CFAP70: variants seen among roughly 807,000 people sequenced by gnomAD.
CFAP70 encodes the protein cilia- and flagella-associated protein 70.
A neutral mutation model predicts 137.6 loss-of-function variants in CFAP70; 81 were observed. The observed-to-expected ratio is 0.59, with a 90% CI of 0.49 to 0.71. CFAP70 has a LOEUF of 0.71. CFAP70 is among the 30% of genes least tolerant of loss of function. CFAP70 has a pLI of 0.00. For synonymous variants in CFAP70, 382 were observed against 423.6 expected, an observed-to-expected ratio of 0.90 and a Z score of 1.20; for missense variants, 976 against 1,226.7, an observed-to-expected ratio of 0.80 and a Z score of 3.05.
chr10:73,267,037 T>A (rs765618625), intron 25 of CFAP70, among the ~76,000 whole-genome samples: 5 of 152,248 alleles, frequency 3.3e-5, no homozygotes, highest in Non-Finnish European at 7.3e-5. Context: ...TTTATTGCTT[T>A]AATTTTATCC....
exon 20 of CFAP70, chr10:73,278,262 G>A: frequency 4.3e-6 from 7 of 1,613,936 alleles, no homozygotes; most frequent in Non-Finnish European, 5.9e-6. Flanking sequence ...AGTCAAAATG[G>A]GTTCTTGTGA....
At chr10:73,336,790 G>A (rs946748681) in intron 6 of CFAP70, among the ~76,000 whole-genome samples, 2 of 151,432 alleles carry the variant, frequency 1.3e-5, no homozygotes, top group African/African-American at 2.4e-5. Flanking sequence ...GGGTTTCACC[G>A]TGGTCTCGAT....
chr10:73,310,113 A>G, intron 12 of CFAP70, 45 bp downstream of exon 13: 1 of 1,293,024 alleles, frequency 7.7e-7, no homozygotes, highest in Non-Finnish European at 1.1e-6. Context: ...CCTCTTATTT[A>G]TACCCAAATT....
chr10:73,309,455 A>G (rs4500405), intron 12 of CFAP70, among the ~76,000 whole-genome samples: 16,042 of 152,064 alleles, frequency 0.11, 1,221 homozygotes, highest in East Asian at 0.3. Context: ...CTAGGTGAGT[A>G]GAGATCTGGA....
chr10:73,349,296 T>A (rs1313915844), intron 3 of CFAP70, among the ~76,000 whole-genome samples: 1 of 151,960 alleles, frequency 6.6e-6, no homozygotes, highest in Non-Finnish European at 1.5e-5. Context: ...TCCCAGCACT[T>A]TGGGAAGCTG....
rs1229043282 is a variant in CFAP70 at position 73,351,121 on chromosome 10, TG to T, written c.250+2434del. 1.3e-3 allele frequency among the ~76,000 whole-genome samples: 165 copies of T among 125,968 alleles called. 5 individuals carry two copies. The highest frequency in any genetic ancestry group is 4.4e-3 in the African/African-American group (150 of 33,736). The allele number at this position is 125,968 out of a possible 152,430, so 82.6% of individuals were successfully genotyped here. A position where few individuals can be genotyped will look rare whatever the true frequency, so the allele number is the denominator to read the frequency against. On this transcript the variant is annotated intron_variant, in intron 3 of 26. Transcript: ENST00000310715. ...TATATATATATATATATGTATGTTT[TG>T]TTTTTTTTTTTTGTGAGACGGAGTC... is the stretch of plus-strand genomic sequence containing the variant.
At chr10:73,334,899 T>TA (rs61051214) in intron 7 of CFAP70, among the ~76,000 whole-genome samples, 2 of 149,842 alleles carry the variant, frequency 1.3e-5, no homozygotes, top group Non-Finnish European at 3.0e-5. Flanking sequence ...TTTTTTTTTT[T>TA]AAGAGACAAG....
chr10:73,341,550 G>A, exon 6 of CFAP70: 1 of 1,613,988 alleles, frequency 6.2e-7, no homozygotes, highest in African/African-American at 1.3e-5. Flanking sequence ...AAGCTTCAGA[G>A]TTCCATTCTT....
At chr10:73,337,089 T>G (rs781406496) in intron 6 of CFAP70, among the ~76,000 whole-genome samples, 1 of 152,214 alleles carries the variant, frequency 6.6e-6, no homozygotes, top group Non-Finnish European at 1.5e-5. Context: ...GTATGTACTC[T>G]TTACATTTGT....
At position 73,297,168 on chromosome 10, in the gene CFAP70, AGCATGCT is replaced by A. The variant is rs762225142; in HGVS notation, c.1513-2_1517del. The A allele has an allele frequency of 6.2e-7, 1 of 1,612,054 alleles. No homozygotes were observed. The highest frequency in any genetic ancestry group is 8.5e-7 in the Non-Finnish European group (1 of 1,179,002). ...ATTTATCTCTCACAATCTTTACCAC[AGCATGCT>A]GCAAGACACACAGATCACCCATCTG... On this transcript the variant is annotated splice_acceptor_variant and coding_sequence_variant, in exon 15 of 27. Coordinates refer to ENST00000310715, the Ensembl canonical transcript of CFAP70. LOFTEE classifies it high-confidence loss of function.
intron 8 of CFAP70, among the ~76,000 whole-genome samples, chr10:73,324,226 G>C (rs1458789046): frequency 1.3e-5 from 2 of 152,184 alleles, no homozygotes; most frequent in African/African-American, 2.4e-5. Context: ...AGGCAAACAG[G>C]GTCTGGAGTG....
intron 1 of CFAP70, among the ~76,000 whole-genome samples, chr10:73,357,772 T>C (rs1424121459): frequency 6.6e-6 from 1 of 152,234 alleles, no homozygotes; most frequent in Non-Finnish European, 1.5e-5. Flanking sequence ...CCCCTGGAAT[T>C]ATCTCTCCCT....
At chr10:73,343,690 C>T (rs1348689184) in intron 5 of CFAP70, among the ~76,000 whole-genome samples, 4 of 152,028 alleles carry the variant, frequency 2.6e-5, no homozygotes, top group Non-Finnish European at 5.9e-5. Flanking sequence ...GCCTGGGCGA[C>T]AGAGTGAGAC....
chr10:73,333,524 C>T (rs1435625813), intron 7 of CFAP70, among the ~76,000 whole-genome samples: 1 of 151,876 alleles, frequency 6.6e-6, no homozygotes. Context: ...AAACACTTTA[C>T]CTACAGAAGA....
chr10:73,256,415 A>G (rs773643557), exon 26 of CFAP70: 1 of 1,614,124 alleles, frequency 6.2e-7, no homozygotes, highest in Non-Finnish European at 8.5e-7. Context: ...TTGCCGTCCA[A>G]CCTGAAAAAA....
chr10:73,331,630 C>T (rs1321151569), intron 7 of CFAP70, among the ~76,000 whole-genome samples: 2 of 151,980 alleles, frequency 1.3e-5, no homozygotes, highest in African/African-American at 4.8e-5. Context: ...TATAGTGAGC[C>T]GTGATGGTGC....
intron 5 of CFAP70, among the ~76,000 whole-genome samples, chr10:73,344,089 A>G (rs989317634): frequency 2.0e-5 from 3 of 151,784 alleles, no homozygotes. Context: ...CAGCCTCCCC[A>G]GTAGCTGGGA....
intron 1 of CFAP70, among the ~76,000 whole-genome samples, chr10:73,357,502 T>C (rs938551392): frequency 1.3e-5 from 2 of 152,064 alleles, no homozygotes; most frequent in Non-Finnish European, 2.9e-5. Context: ...TAAGAAGAAA[T>C]AGGGAGAAAA....
chr10:73,349,521 C>T (rs1207151513), intron 3 of CFAP70, among the ~76,000 whole-genome samples: 9 of 148,756 alleles, frequency 6.1e-5, no homozygotes, highest in East Asian at 2.0e-4. Context: ...ACAGCCTGGG[C>T]GACAGAGCGA....
Sources: allele counts gnomAD v4.1 joint callset (sites outside exome capture counted in the v4.1 genomes callset), GRCh38; gene constraint gnomAD v4.1.1; transcripts MANE v1.5; gene names NCBI Gene and HGNC (gene_info 2026-07-23, HGNC 2026-07-21).